DNAH6: variants seen among roughly 807,000 people sequenced by gnomAD.
The protein encoded by DNAH6 is axonemal beta dynein heavy chain 6.
In DNAH6, 340 loss-of-function variants were observed where a neutral mutation model predicts 491.4. The observed-to-expected ratio is 0.69, with a 90% CI of 0.63 to 0.76. The LOEUF (loss-of-function observed/expected upper bound fraction) is 0.76, where lower values mean the gene tolerates loss of function less well. Among genes scored for constraint, DNAH6 ranks in the 30% least tolerant of loss-of-function variants. DNAH6 has a pLI of 0.00. For synonymous variants in DNAH6, 1,603 were observed against 1,686.1 expected, an observed-to-expected ratio of 0.95 and a Z score of 1.21; for missense variants, 4,443 against 4,972.2, an observed-to-expected ratio of 0.89 and a Z score of 3.20.
intron 33 of DNAH6, among the ~76,000 whole-genome samples, chr2:84,647,811 T>C (rs1690040902): frequency 6.6e-6 from 1 of 152,252 alleles, no homozygotes; most frequent in Non-Finnish European, 1.5e-5. Context: ...CATCATTCTA[T>C]AGCATTCTGT....
chr2:84,774,603 G>A lies in DNAH6; in HGVS notation c.10704-6890G>A, dbSNP rs113841843. On this transcript the variant is annotated intron_variant, in intron 64 of 76. Transcript: ENST00000389394. Reference sequence around the variant, plus strand: ...AGTTTTGCAGTGATATGGGTAGTTTGATAGGAATAGCATTAAATTTGTATA... The same window carrying A: ...AGTTTTGCAGTGATATGGGTAGTTTAATAGGAATAGCATTAAATTTGTATA... Among the ~76,000 whole-genome samples the A allele has an allele frequency of 2.5e-4, 38 of 152,162 alleles. 1 individual carries two copies. Among genetic ancestry groups the A allele is most frequent in the African/African-American group, 7.9e-4 (33 of 41,562 alleles).
At chr2:84,575,826 G>A (rs1484998100) in intron 12 of DNAH6, among the ~76,000 whole-genome samples, 1 of 152,306 alleles carries the variant, frequency 6.6e-6, no homozygotes, top group East Asian at 1.9e-4. Flanking sequence ...GGAGCTTGCA[G>A]TGAGCCGAGA....
chr2:84,708,401 C>T (rs191762641), intron 54 of DNAH6, among the ~76,000 whole-genome samples: 7 of 140,798 alleles, frequency 5.0e-5, no homozygotes, highest in East Asian at 4.4e-4. Flanking sequence ...GTGGAGATTG[C>T]GCCATTGCAC....
At position 84,671,409 on chromosome 2, in the gene DNAH6, G is replaced by A. The variant is rs543795543; in HGVS notation, c.6455-918G>A. On this transcript the variant is annotated intron_variant, in intron 39 of 76. Transcript: ENST00000389394. ...TTGCAGCTGGGGCCCCACTTGCTCA[G>A]TCCACAGTCTCTGGGGTGGTGCACC... is the stretch of plus-strand genomic sequence containing the variant. Among the ~76,000 whole-genome samples the A allele has an allele frequency of 1.4e-4, 22 of 152,288 alleles. No homozygotes were observed. In the South Asian group the frequency reaches 3.7e-3, roughly 26 times the overall value.
Position 84,606,961 on chromosome 2 carries a change from C to T in DNAH6, c.3175-15C>T. 6.5e-7 allele frequency: 1 copy of T among 1,547,168 alleles called. No homozygotes were observed. Among genetic ancestry groups the T allele is most frequent in the East Asian group, 2.5e-5 (1 of 40,808 alleles). On this transcript the variant is annotated splice_polypyrimidine_tract_variant and intron_variant, in intron 20 of 76. Coordinates refer to ENST00000389394, the MANE Select transcript of DNAH6 (RefSeq NM_001370.2). Reference sequence around the variant, plus strand: ...TACTGGGTGCTGCATGTATTTTCTTCCCCTTCCTTTAAAGGTCCTTCTTGA... The same window carrying T: ...TACTGGGTGCTGCATGTATTTTCTTTCCCTTCCTTTAAAGGTCCTTCTTGA...
intron 12 of DNAH6, among the ~76,000 whole-genome samples, chr2:84,575,036 G>A (rs1459642446): frequency 6.6e-6 from 1 of 152,128 alleles, no homozygotes; most frequent in Non-Finnish European, 1.5e-5. Context: ...TCTGATGGCT[G>A]CGACTTTGGA....
chr2:84,574,726 G>A (rs1682256839), intron 12 of DNAH6, among the ~76,000 whole-genome samples: 1 of 152,168 alleles, frequency 6.6e-6, no homozygotes, highest in Non-Finnish European at 1.5e-5. Context: ...GATGCCTCCT[G>A]TGCTATGTCA....
At chr2:84,787,666 C>G (rs1559041852) in intron 68 of DNAH6, among the ~76,000 whole-genome samples, 2 of 152,162 alleles carry the variant, frequency 1.3e-5, no homozygotes, top group Non-Finnish European at 2.9e-5. Context: ...AAAACTGAGG[C>G]ACACCATTTA....
the DNAH6 span, among the ~76,000 whole-genome samples, chr2:84,502,148 T>C: frequency 7.9e-5 from 12 of 152,272 alleles, no homozygotes; most frequent in Middle Eastern, 3.4e-3. Context: ...TTTTTTCATG[T>C]AGGCACTTAT....
chr2:84,701,408 C>G lies in DNAH6; in HGVS notation c.8061+69C>G, dbSNP rs1226355569. On this transcript the variant is annotated intron_variant, in intron 49 of 76. Transcript: ENST00000389394. Reference sequence around the variant, plus strand: ...CAGAACTTTTGAGAATGCATGGAAACTCTATGCACTGTCTTACCTGTCAGG... The same window carrying G: ...CAGAACTTTTGAGAATGCATGGAAAGTCTATGCACTGTCTTACCTGTCAGG... The G allele has an allele frequency of 2.1e-6, 3 of 1,447,256 alleles. No individual in the cohort carries two copies. The Admixed American group carries it at 6.2e-5, about 30-fold the overall frequency. 89.7% of individuals were successfully genotyped at this position (1,447,256 alleles called of 1,614,324 possible). A position where few individuals can be genotyped will look rare whatever the true frequency, so the allele number is the denominator to read the frequency against.
chr2:84,482,739 GT>G, the DNAH6 span, among the ~76,000 whole-genome samples: 1 of 152,218 alleles, frequency 6.6e-6, no homozygotes, highest in Non-Finnish European at 1.5e-5. Context: ...GACACTCTAG[GT>G]TTTTTGGTCA....
the DNAH6 span, among the ~76,000 whole-genome samples, chr2:84,499,808 T>A: frequency 7.2e-5 from 11 of 152,362 alleles, no homozygotes; most frequent in South Asian, 2.3e-3. Context: ...CCTTTTCATA[T>A]GCCTGTTTGA....
At chr2:84,461,405 C>T in the DNAH6 span, among the ~76,000 whole-genome samples, 1 of 152,148 alleles carries the variant, frequency 6.6e-6, no homozygotes, top group Non-Finnish European at 1.5e-5. Flanking sequence ...CAGTTTGGTC[C>T]GGGAACACCC....
rs200299504 is a variant in DNAH6, at chr2:84,547,565, G to A, written c.1139G>A (p.Arg380His). ...VVRRACRFAL[R>H]AAGFVPDDCA... ...AGGAGGGCTTGTCGATTTGCTTTGCGTGCTGCAGGATTTGTTCCTGATGAC... is the reference window on the plus strand; with the variant it reads ...AGGAGGGCTTGTCGATTTGCTTTGCATGCTGCAGGATTTGTTCCTGATGAC... Residue 380 changes from arginine (R) to histidine (H), a missense_variant, in exon 7 of 77, where the codon CGT becomes CAT. By Grantham distance (29) the Arg-to-His change is conservative. This residue lies in a region of DNAH6 where 2,977 missense variants were observed against 3,296.6 expected (regional missense o/e 0.90). Coordinates refer to ENST00000389394, the MANE Select transcript of DNAH6 (RefSeq NM_001370.2). 167 of 1,551,858 alleles carry A rather than the reference G, an allele frequency of 1.1e-4. No homozygotes were observed. The highest frequency in any genetic ancestry group is 8.5e-4 in the African/African-American group (62 of 73,132).
At chr2:84,774,722 C>G (rs1313187969) in intron 64 of DNAH6, among the ~76,000 whole-genome samples, 2 of 152,018 alleles carry the variant, frequency 1.3e-5, no homozygotes, top group East Asian at 3.9e-4. Flanking sequence ...TTTATGATTT[C>G]TCCTGGTGGT....
intron 33 of DNAH6, among the ~76,000 whole-genome samples, chr2:84,643,904 T>TTG (rs1689648255): frequency 6.6e-6 from 1 of 152,136 alleles, no homozygotes; most frequent in African/African-American, 2.4e-5. Context: ...TTGTGTTTTT[T>TTG]TTTGTTTTAT....
chr2:84,465,583 G>A, the DNAH6 span, among the ~76,000 whole-genome samples: 2 of 152,194 alleles, frequency 1.3e-5, no homozygotes, highest in African/African-American at 2.4e-5. Flanking sequence ...TTCCACAAGG[G>A]TAAACAAGTA....
At chr2:84,793,202 G>A (rs534698439) in intron 68 of DNAH6, among the ~76,000 whole-genome samples, 80 of 147,730 alleles carry the variant, frequency 5.4e-4, no homozygotes, top group South Asian at 2.3e-3. Flanking sequence ...ACACACACAC[G>A]CATGCACACA....
At chr2:84,794,002 G>T (rs935700663) in intron 68 of DNAH6, among the ~76,000 whole-genome samples, 1 of 152,152 alleles carries the variant, frequency 6.6e-6, no homozygotes, top group Non-Finnish European at 1.5e-5. Context: ...GAACAGAACA[G>T]AGCCCTCAGA....
Sources: gnomAD v4.1 joint callset for allele counts (sites outside exome capture counted in the v4.1 genomes callset) on GRCh38, gnomAD v4.1.1 for gene constraint, gnomAD v4.1.1 regional missense constraint, MANE v1.5 for transcripts, NCBI Gene and HGNC (gene_info 2026-07-23, HGNC 2026-07-21) for gene names.